ZNF814: variants seen among roughly 807,000 people sequenced by gnomAD.
ZNF814 encodes the protein zinc finger protein 814.
In ZNF814, 5 loss-of-function variants were observed where a neutral mutation model predicts 7.5. That is an observed-to-expected ratio of 0.67 (90% CI 0.35 to 1.40). The LOEUF (loss-of-function observed/expected upper bound fraction) is 1.40. Among genes scored for constraint, ZNF814 ranks in the 40% most tolerant of loss-of-function variants. The pLI, the probability that ZNF814 is intolerant of heterozygous loss-of-function variation, is 0.04. For synonymous variants in ZNF814, 315 were observed against 340.7 expected (o/e 0.92, Z 0.83); for missense variants, 962 against 1,018.0 (o/e 0.94, Z 0.75).
At chr19:57,886,444 G>C (rs536881442) in intron 1 of ZNF814, among the ~76,000 whole-genome samples, 1 of 151,992 alleles carries the variant, frequency 6.6e-6, no homozygotes, top group Non-Finnish European at 1.5e-5. Flanking sequence ...ATTGGCCTTC[G>C]GAAAACCTTT....
the ZNF814 span, among the ~76,000 whole-genome samples, chr19:57,904,449 G>A: frequency 6.6e-6 from 1 of 151,992 alleles, no homozygotes; most frequent in Non-Finnish European, 1.5e-5. Flanking sequence ...CCAGGTGTTG[G>A]GTCTGATCAC....
chr19:57,875,059 G>C lies in ZNF814; in HGVS notation c.331C>G (p.Gln111Glu), dbSNP rs773607711. Reference sequence around the variant, plus strand: ...AGTTTCTGCTTGTGATGTGTTCCCTGATGATCTGCCACATGCAAAATGTCT... The same window carrying C: ...AGTTTCTGCTTGTGATGTGTTCCCTCATGATCTGCCACATGCAAAATGTCT... ...LGDILHVADH[Q>E]GTHHKQKLHR... Residue 111 changes from glutamine (Q) to glutamate (E), a missense_variant, in exon 3 of 3, where the codon CAG becomes GAG. Coordinates refer to ENST00000435989, the MANE Select transcript of ZNF814 (RefSeq NM_001144989.2). 5 of 1,593,606 alleles carry C rather than the reference G, an allele frequency of 3.1e-6. No individual in the cohort carries two copies. In the South Asian group the frequency reaches 5.6e-5, roughly 18 times the overall value.
intron 1 of ZNF814, among the ~76,000 whole-genome samples, chr19:57,877,261 G>C (rs2071614532): frequency 6.6e-6 from 1 of 152,020 alleles, no homozygotes; most frequent in African/African-American, 2.4e-5. Flanking sequence ...CTCCTGACAG[G>C]CACTTTCCCT....
intron 1 of ZNF814, among the ~76,000 whole-genome samples, chr19:57,882,715 G>A (rs745470168): frequency 3.5e-5 from 5 of 140,990 alleles, no homozygotes; most frequent in East Asian, 4.1e-4. Context: ...TGGGGTTCCC[G>A]CTGAAGTAGA....
intron 2 of ZNF814, among the ~76,000 whole-genome samples, chr19:57,875,473 C>T (rs574360820): frequency 6.6e-6 from 1 of 152,352 alleles, no homozygotes; most frequent in African/African-American, 2.4e-5. Context: ...GCAGGGTCTA[C>T]AATCCCTGCA....
chr19:57,884,264 C>G (rs964740835), intron 1 of ZNF814, among the ~76,000 whole-genome samples: 6 of 152,116 alleles, frequency 3.9e-5, no homozygotes, highest in Non-Finnish European at 8.8e-5. Flanking sequence ...TCAAACAACT[C>G]TATAGGAAAA....
At chr19:57,887,850 C>T (rs2071705744) in intron 1 of ZNF814, among the ~76,000 whole-genome samples, 1 of 152,194 alleles carries the variant, frequency 6.6e-6, no homozygotes. Flanking sequence ...CCATATCTAA[C>T]TCTTATGAAG....
chr19:57,884,090 C>T (rs561752683), intron 1 of ZNF814, among the ~76,000 whole-genome samples: 159 of 152,216 alleles, frequency 1.0e-3, no homozygotes, highest in African/African-American at 3.7e-3. Flanking sequence ...CTTTCAAGCA[C>T]AGGCAACCAA....
At position 57,872,702 on chromosome 19, in the gene ZNF814, G is replaced by C. The variant is rs1210547484; in HGVS notation, c.*120C>G. 23 of 1,602,090 alleles carry C rather than the reference G, an allele frequency of 1.4e-5. No homozygotes were observed. In the Admixed American group the frequency reaches 3.7e-4, roughly 26 times the overall value. ...AACTCTCTTATGAACACAGAATGCA[G>C]AGCTGTGGGTAGATGACTTCCCACA... On this transcript the variant is annotated 3_prime_UTR_variant, in exon 3 of 3. Coordinates refer to ENST00000435989, the MANE Select transcript of ZNF814 (RefSeq NM_001144989.2).
Position 57,875,229 on chromosome 19 carries a change from G to A in ZNF814, c.164-3C>T, listed in dbSNP as rs1198097104. On this transcript the variant is annotated splice_region_variant and splice_polypyrimidine_tract_variant and intron_variant, in intron 2 of 2. Transcript: ENST00000435989. Reference sequence around the variant, plus strand: ...ATCTTCCACTCCACACCAACAACCTGAAAGCAAGAAAATGCTGGTGAAGTG... The same window carrying A: ...ATCTTCCACTCCACACCAACAACCTAAAAGCAAGAAAATGCTGGTGAAGTG... The A allele has an allele frequency of 6.6e-7, 1 of 1,513,902 alleles. No homozygotes were observed. The highest frequency in any genetic ancestry group is 1.3e-5 in the South Asian group (1 of 75,128). 93.8% of individuals were successfully genotyped at this position (1,513,902 alleles called of 1,614,324 possible).
chr19:57,871,411 TC>T lies in ZNF814; in HGVS notation c.*1410del, dbSNP rs1410475013. On this transcript the variant is annotated 3_prime_UTR_variant, in exon 3 of 3. Transcript: ENST00000435989. The stretch of plus-strand genomic sequence containing the variant: ...AAGCTACATTCTGCATTCATACTGT[TC>T]CATGAGCCACAAAGTTTAGCTATGC... The T allele has an allele frequency of 6.6e-6, 1 of 152,168 alleles. No homozygotes were observed. Among genetic ancestry groups the T allele is most frequent in the Non-Finnish European group, 1.5e-5 (1 of 68,060 alleles). The allele number at this position is 152,168 out of a possible 1,614,324, so 9.4% of individuals were successfully genotyped here.
At chr19:57,899,896 G>A in the ZNF814 span, among the ~76,000 whole-genome samples, 8 of 152,176 alleles carry the variant, frequency 5.3e-5, no homozygotes, top group African/African-American at 1.9e-4. Context: ...AATGGGATAT[G>A]ATCCAAATCA....
At chr19:57,883,615 C>T (rs990589567) in intron 1 of ZNF814, among the ~76,000 whole-genome samples, 8 of 149,056 alleles carry the variant, frequency 5.4e-5, no homozygotes, top group African/African-American at 2.0e-4. Flanking sequence ...GAGCTGAGAT[C>T]GCACCACTGC....
rs780232711 is a variant in ZNF814, at chr19:57,873,359, T to C, written c.2031A>G (p.Leu677=). The part of the protein sequence containing the change: ...KCFSHKGNLI[L]HQHGHTGERP... Reference sequence around the variant, plus strand: ...TTTCTCCAGTATGGCCATGCTGGTGTAGAATGAGGTTACCCTTGTGACTAA... The same window carrying C: ...TTTCTCCAGTATGGCCATGCTGGTGCAGAATGAGGTTACCCTTGTGACTAA... Residue 677 remains leucine, a synonymous_variant, in exon 3 of 3, where the codon CTA becomes CTG. Coordinates refer to ENST00000435989, the MANE Select transcript of ZNF814 (RefSeq NM_001144989.2). 1 of 1,599,634 alleles carries C rather than the reference T, an allele frequency of 6.3e-7. No individual in the cohort carries two copies. Among genetic ancestry groups the C allele is most frequent in the East Asian group, 2.3e-5 (1 of 44,098 alleles).
rs371449485 is a variant in ZNF814, at chr19:57,874,014, G to A, written c.1376C>T (p.Ala459Val). Residue 459 changes from alanine to valine, a missense_variant, in exon 3 of 3, where the codon GCC (alanine) becomes GTC (valine). Around this residue, in one of 7 missense-constraint regions of ZNF814, gnomAD observed 665 missense variants for 551.4 expected, o/e 1.21. Coordinates refer to ENST00000435989, the MANE Select transcript of ZNF814 (RefSeq NM_001144989.2). The stretch of plus-strand genomic sequence containing the variant: ...TCCACACTTGAAAGGTCTTTCTCCG[G>A]CGTGAACTCGTTGATGGCTCCTAAG... ...GHLRSHQRVH[A>V]GERPFKCGEC... 31 of 1,613,536 alleles carry A rather than the reference G, an allele frequency of 1.9e-5. No individual in the cohort carries two copies. The African/African-American group carries it at 3.9e-4, about 20-fold the overall frequency.
At chr19:57,886,317 G>T (rs1427719956) in intron 1 of ZNF814, among the ~76,000 whole-genome samples, 1 of 152,060 alleles carries the variant, frequency 6.6e-6, no homozygotes, top group Non-Finnish European at 1.5e-5. Context: ...CTGCTTGTCT[G>T]ACCTGCATGC....
Position 57,872,844 on chromosome 19 carries a change from G to C in ZNF814, c.2546C>G (p.Ser849Ter), listed in dbSNP as rs1338952831. 1 of 1,612,730 alleles carries C rather than the reference G, an allele frequency of 6.2e-7. No homozygotes were observed. Among genetic ancestry groups the C allele is most frequent in the Non-Finnish European group, 8.5e-7 (1 of 1,179,412 alleles). The change falls in exon 3 of 3, where the codon TCA (serine) becomes TGA (stop). Residue 849 changes from serine (S) to a stop codon, truncating the protein, a stop_gained. Coordinates refer to ENST00000435989, the MANE Select transcript of ZNF814 (RefSeq NM_001144989.2). LOFTEE classifies it high-confidence loss of function. ...CACTCATATGGCTTTTCTCCAGTGTGAACTCTGGTGTACAAGGAGGTGAGA... is the reference window on the plus strand; with the variant it reads ...CACTCATATGGCTTTTCTCCAGTGTCAACTCTGGTGTACAAGGAGGTGAGA... ...KKSHLLVHQS[S>*]HWRKAI
the ZNF814 span, among the ~76,000 whole-genome samples, chr19:57,902,703 C>T: frequency 6.6e-6 from 1 of 151,842 alleles, no homozygotes; most frequent in Non-Finnish European, 1.5e-5. Context: ...CTCTGTCCCC[C>T]AGGCTGGAGT....
chr19:57,889,780 CTT>C (rs2071724005), upstream of ZNF814, among the ~76,000 whole-genome samples: 1 of 151,924 alleles, frequency 6.6e-6, no homozygotes, highest in African/African-American at 2.4e-5. Context: ...AGGAGAATCT[CTT>C]GTACATGGGA....
Sources: gnomAD v4.1 joint callset for allele counts (sites outside exome capture counted in the v4.1 genomes callset) on GRCh38, gnomAD v4.1.1 for gene constraint, gnomAD v4.1.1 regional missense constraint, MANE v1.5 for transcripts, NCBI Gene and HGNC (gene_info 2026-07-23, HGNC 2026-07-21) for gene names.